The following ITGA1 variants were observed in gnomAD, a reference collection of about 807,000 sequenced individuals.
The protein encoded by ITGA1 is integrin subunit alpha 1.
ITGA1 carries 85 observed loss-of-function variants against 145.9 expected under a neutral mutation model. The observed-to-expected ratio is 0.58, with a 90% confidence interval of 0.49 to 0.70. The LOEUF is 0.70. Among genes scored for constraint, ITGA1 ranks in the 30% least tolerant of loss-of-function variants. The pLI is 0.00. For missense variants in ITGA1, 1,351 were observed against 1,418.7 expected, an observed-to-expected ratio of 0.95 and a Z score of 0.77; for synonymous variants, 520 against 495.3, an observed-to-expected ratio of 1.05 and a Z score of -0.66.
chr5:52,907,139 C>T (rs1220400969), intron 12 of ITGA1, among the ~76,000 whole-genome samples: 1 of 152,162 alleles, frequency 6.6e-6, no homozygotes, highest in African/African-American at 2.4e-5. Context: ...AAGTTGAAAT[C>T]CCAGCCACAG....
chr5:52,918,858 T>A lies in ITGA1; in HGVS notation c.2115T>A (p.Asp705Glu). Reference sequence around the variant, plus strand: ...GCATAAATGCTACAGTGTGTTTTGATGTGAAATTAAAGTCTAAAGAAGACA... The same window carrying A: ...GCATAAATGCTACAGTGTGTTTTGAAGTGAAATTAAAGTCTAAAGAAGACA... Reference protein sequence around the residue: ...TVCINATVCFDVKLKSKEDTI... With the variant: ...TVCINATVCFEVKLKSKEDTI... The change falls in exon 16 of 29, where the codon GAT (aspartate) becomes GAA (glutamate). Residue 705 changes from aspartate (D) to glutamate (E), a missense_variant. Transcript: ENST00000282588. The A allele has an allele frequency of 6.2e-7, 1 of 1,605,822 alleles. No homozygotes were observed. The highest frequency in any genetic ancestry group is 8.5e-7 in the Non-Finnish European group (1 of 1,177,538).
In ITGA1 at chr5:52,910,171, G is replaced by A. The variant is rs1316757757; in HGVS notation, c.1609G>A (p.Glu537Lys). ...TTTATCTTTCTTCCAGACAAGGTTTGAATATCAAATGAGCCTGGAACCTAT... is the reference window on the plus strand; with the variant it reads ...TTTATCTTTCTTCCAGACAAGGTTTAAATATCAAATGAGCCTGGAACCTAT... ...YVYALNQTRF[E>K]YQMSLEPIKQ... The change falls in exon 14 of 29, where the codon GAA (glutamate) becomes AAA (lysine). Residue 537 changes from glutamate to lysine, a missense_variant. Glu to Lys is a moderately conservative substitution (Grantham distance 56). Coordinates refer to ENST00000282588, the MANE Select transcript of ITGA1 (RefSeq NM_181501.2). 6.2e-7 allele frequency: 1 copy of A among 1,603,472 alleles called. No homozygotes were observed. Among genetic ancestry groups the A allele is most frequent in the South Asian group, 1.1e-5 (1 of 90,796 alleles).
At chr5:52,845,724 A>G (rs922840814) in intron 1 of ITGA1, among the ~76,000 whole-genome samples, 5 of 152,222 alleles carry the variant, frequency 3.3e-5, no homozygotes, top group African/African-American at 9.6e-5. Context: ...TAAACACTCT[A>G]TAGTATAAAG....
intron 1 of ITGA1, among the ~76,000 whole-genome samples, chr5:52,824,046 A>T (rs1176824649): frequency 6.6e-6 from 1 of 152,176 alleles, no homozygotes; most frequent in Non-Finnish European, 1.5e-5. Context: ...TTATGTTCTC[A>T]TACTTAATGA....
chr5:52,832,882 T>C (rs977960332), intron 1 of ITGA1, among the ~76,000 whole-genome samples: 2 of 151,776 alleles, frequency 1.3e-5, no homozygotes, highest in South Asian at 4.2e-4. Context: ...TATTTCATTT[T>C]GTTAAGCCAT....
intron 1 of ITGA1, among the ~76,000 whole-genome samples, chr5:52,834,445 G>A (rs963611318): frequency 6.6e-6 from 1 of 151,380 alleles, no homozygotes; most frequent in African/African-American, 2.4e-5. Flanking sequence ...AGAGAGAAAG[G>A]GGGTGGAGAG....
At chr5:52,859,713 C>T (rs980277989) in intron 2 of ITGA1, among the ~76,000 whole-genome samples, 4 of 152,126 alleles carry the variant, frequency 2.6e-5, no homozygotes, top group African/African-American at 4.8e-5. Context: ...TTCTCCATGC[C>T]GAACATCCCC....
chr5:52,811,868 AG>A (rs1379645647), intron 1 of ITGA1, among the ~76,000 whole-genome samples: 2 of 152,192 alleles, frequency 1.3e-5, no homozygotes, highest in Admixed American at 1.3e-4. Flanking sequence ...CCATTTGGCT[AG>A]AGGTTTCTCA....
chr5:52,915,940 A>G (rs1579718491), intron 15 of ITGA1, among the ~76,000 whole-genome samples: 1 of 152,168 alleles, frequency 6.6e-6, no homozygotes, highest in Admixed American at 6.5e-5. Flanking sequence ...AAGGTTTTAG[A>G]GATAATCGAC....
intron 1 of ITGA1, among the ~76,000 whole-genome samples, chr5:52,834,659 G>GAGAA (rs148839764): frequency 4.2e-4 from 63 of 150,372 alleles, no homozygotes; most frequent in African/African-American, 1.1e-3. Flanking sequence ...GAAAAAGAAA[G>GAGAA]AGAAAGAAAG....
intron 11 of ITGA1, 97 bp from the exon 12 acceptor site, chr5:52,905,666 T>C (rs1346992444): frequency 9.7e-7 from 1 of 1,026,906 alleles, no homozygotes; most frequent in Non-Finnish European, 1.4e-6. Context: ...TATAACCATA[T>C]AAAAATGATT....
intron 6 of ITGA1, among the ~76,000 whole-genome samples, chr5:52,867,823 T>C (rs1217708754): frequency 6.6e-6 from 1 of 152,034 alleles, no homozygotes; most frequent in East Asian, 1.9e-4. Flanking sequence ...CACACAGCTC[T>C]CTAATTGTAG....
chr5:52,846,718 G>T (rs934796442), intron 1 of ITGA1, among the ~76,000 whole-genome samples: 1 of 152,200 alleles, frequency 6.6e-6, no homozygotes, highest in Non-Finnish European at 1.5e-5. Flanking sequence ...CTTCCTTCAT[G>T]CCAGCTAGAC....
intron 6 of ITGA1, among the ~76,000 whole-genome samples, chr5:52,878,915 A>T (rs1749911055): frequency 6.6e-6 from 1 of 151,856 alleles, no homozygotes; most frequent in African/African-American, 2.4e-5. Context: ...AAATGTTTGC[A>T]AATAAATGAT....
rs1229910559 is a variant in ITGA1 at position 52,842,138 on chromosome 5, G to A, written c.62-7227G>A. ...GTTAGAGGGGAGTAAATTTTCATTA[G>A]AGTGAAAGAAGGCCCAACTTGTGAT... is the stretch of plus-strand genomic sequence containing the variant. On this transcript the variant is annotated intron_variant, in intron 1 of 28. Coordinates refer to ENST00000282588, the MANE Select transcript of ITGA1 (RefSeq NM_181501.2). 2.6e-5 allele frequency among the ~76,000 whole-genome samples: 4 copies of A among 152,142 alleles called. No homozygotes were observed. In the East Asian group the frequency reaches 7.7e-4, roughly 29 times the overall value.
At chr5:52,817,621 A>G (rs548649407) in intron 1 of ITGA1, among the ~76,000 whole-genome samples, 3 of 152,330 alleles carry the variant, frequency 2.0e-5, no homozygotes, top group East Asian at 1.9e-4. Context: ...GCAAAATTAT[A>G]CAATTGTACT....
In ITGA1 at chr5:52,924,248, C is replaced by T. The variant is rs114974882; in HGVS notation, c.2404-1030C>T. Among the ~76,000 whole-genome samples, 1,171 of 152,280 alleles carry T rather than the reference C, an allele frequency of 7.7e-3. 10 individuals carry two copies. The highest frequency in any genetic ancestry group is 0.011 in the Non-Finnish European group (771 of 68,022). The stretch of plus-strand genomic sequence containing the variant: ...AACAGGTATTAAGTAGTAATTAGAG[C>T]ATATGCTATGGAGGAGGATTTCAGA... On this transcript the variant is annotated intron_variant, in intron 18 of 28. Transcript: ENST00000282588.
intron 1 of ITGA1, among the ~76,000 whole-genome samples, chr5:52,837,703 T>A (rs1278536882): frequency 6.6e-6 from 1 of 152,016 alleles, no homozygotes; most frequent in African/African-American, 2.4e-5. Flanking sequence ...CAAGATACTC[T>A]TGTAGACTAA....
chr5:52,825,468 A>C lies in ITGA1; in HGVS notation c.62-23897A>C, dbSNP rs183285544. ...ATTTTTCCTTATTATTATATCTGTT[A>C]TGGGGCCTTGTGATCAGTGGTGCCA... On this transcript the variant is annotated intron_variant, in intron 1 of 28. Coordinates refer to ENST00000282588, the MANE Select transcript of ITGA1 (RefSeq NM_181501.2). Among the ~76,000 whole-genome samples the C allele has an allele frequency of 1.9e-3, 291 of 152,252 alleles. 4 individuals are homozygous for C. The highest frequency in any genetic ancestry group is 7.0e-3 in the African/African-American group (289 of 41,550).
Sources: gnomAD v4.1 joint callset for allele counts (sites outside exome capture counted in the v4.1 genomes callset) on GRCh38, gnomAD v4.1.1 for gene constraint, MANE v1.5 for transcripts, NCBI Gene and HGNC (gene_info 2026-07-23, HGNC 2026-07-21) for gene names.